DMD: variants seen among roughly 807,000 people sequenced by gnomAD.
DMD encodes the protein dystrophin, also known as mutant dystrophin.
DMD carries 63 observed loss-of-function variants against 330.1 expected under a neutral mutation model. The ratio of observed to expected loss-of-function variants is 0.19; its 90% CI spans 0.16 to 0.24. The LOEUF (loss-of-function observed/expected upper bound fraction) is 0.24, where lower values mean the gene tolerates loss of function less well. Ranked by LOEUF, DMD falls within the 10% of genes least tolerant of loss-of-function variation. The probability of loss-of-function intolerance (pLI) is 1.00; values close to 1 mark genes in which losing one functional copy is unlikely to be tolerated. For synonymous variants in DMD, 1,223 were observed against 959.8 expected, an observed-to-expected ratio of 1.27 and a Z score of -5.07; for missense variants, 3,344 against 2,684.1, an observed-to-expected ratio of 1.25 and a Z score of -5.43.
chrX:32,431,363 G>T (rs1408720273), intron 29 of DMD, among the ~76,000 whole-genome samples: 2 of 111,271 alleles, frequency 1.8e-5, no homozygotes, highest in Non-Finnish European at 3.8e-5. Context: ...CCATATGTAG[G>T]TCTTCATTGA....
chrX:32,090,764 T>G (rs181178068), intron 44 of DMD, among the ~76,000 whole-genome samples: 146 of 107,271 alleles, frequency 1.4e-3, no homozygotes, highest in African/African-American at 4.6e-3. Context: ...GAATTTTGGG[T>G]TTTTTTTTTC....
At position 32,652,141 on chromosome X, in the gene DMD, TC is replaced by T. The variant is rs748689162; in HGVS notation, c.961-6990del. The stretch of plus-strand genomic sequence containing the variant: ...AAGGTTCTAGAGCCAAAAACATTAA[TC>T]TTTTTTTTTATACTTTAAATACTAG... On this transcript the variant is annotated intron_variant, in intron 9 of 78. Coordinates refer to ENST00000357033, the MANE Select transcript of DMD (RefSeq NM_004006.3). 1.6e-4 allele frequency among the ~76,000 whole-genome samples: 18 copies of T among 111,424 alleles called. No individual in the cohort carries two copies. The South Asian group carries it at 6.8e-3, about 42-fold the overall frequency.
At chrX:32,191,619 C>A (rs895067322) in intron 44 of DMD, among the ~76,000 whole-genome samples, 1 of 111,236 alleles carries the variant, frequency 9.0e-6, no homozygotes, top group Non-Finnish European at 1.9e-5. Context: ...CCTCAGTATC[C>A]ATGGGGGATT....
chrX:32,468,411 G>A (rs2040276209), intron 23 of DMD, 87 bp downstream of exon 23: 7 of 834,959 alleles, frequency 8.4e-6, no homozygotes, highest in African/African-American at 2.0e-5. Flanking sequence ...AAGGTCAAAT[G>A]CTTATGTACC....
At chrX:32,610,926 T>G (rs2057119855) in intron 12 of DMD, among the ~76,000 whole-genome samples, 1 of 111,210 alleles carries the variant, frequency 9.0e-6, no homozygotes. Context: ...AAATAAGGCT[T>G]TAGTTTGAAC....
chrX:31,382,433 C>T (rs889914522), intron 60 of DMD, among the ~76,000 whole-genome samples: 10 of 111,614 alleles, frequency 9.0e-5, no homozygotes, highest in Non-Finnish European at 1.3e-4. Context: ...CTCTTGTTTA[C>T]ACTGCTGGTT....
intron 7 of DMD, among the ~76,000 whole-genome samples, chrX:32,799,719 G>A (rs1028975726): frequency 9.1e-6 from 1 of 109,680 alleles, no homozygotes; most frequent in African/African-American, 3.3e-5. Context: ...ATAACGGGAA[G>A]AGAATTGTCT....
chrX:31,721,504 G>A (rs980647202), intron 52 of DMD, among the ~76,000 whole-genome samples: 8 of 107,249 alleles, frequency 7.5e-5, no homozygotes, highest in Non-Finnish European at 1.5e-4. Context: ...CTCTTCCCTT[G>A]GTCTCCATCC....
At chrX:31,507,243 A>T (rs2071038954) in intron 56 of DMD, 38 bp downstream of exon 56, 26 of 1,160,353 alleles carry the variant, frequency 2.2e-5, no homozygotes, top group Non-Finnish European at 2.7e-5. Context: ...GGCCATTTTA[A>T]TTCATTTGTG....
chrX:31,929,510 G>T, intron 47 of DMD, 86 bp downstream of exon 47: 1 of 1,088,989 alleles, frequency 9.2e-7, no homozygotes, highest in South Asian at 1.8e-5. Flanking sequence ...CCTCCTCCCC[G>T]ACCAATGAAG....
At chrX:32,802,644 T>C (rs2076662183) in intron 7 of DMD, among the ~76,000 whole-genome samples, 1 of 111,709 alleles carries the variant, frequency 9.0e-6, no homozygotes, top group Non-Finnish European at 1.9e-5. Context: ...TGAGACACAT[T>C]CCATCAATAC....
intron 7 of DMD, among the ~76,000 whole-genome samples, chrX:32,781,057 G>T (rs954616819): frequency 2.8e-5 from 3 of 107,784 alleles, no homozygotes; most frequent in Non-Finnish European, 5.8e-5. Context: ...GGCGGAGCTT[G>T]CAGTGAGCCG....
At chrX:32,850,321 T>A (rs1380906209) in intron 2 of DMD, among the ~76,000 whole-genome samples, 1 of 112,137 alleles carries the variant, frequency 8.9e-6, no homozygotes, top group Non-Finnish European at 1.9e-5. Flanking sequence ...ACTGGATAAC[T>A]CAAATTTTAG....
At chrX:31,663,406 T>C (rs900367302) in intron 53 of DMD, among the ~76,000 whole-genome samples, 1 of 111,381 alleles carries the variant, frequency 9.0e-6, no homozygotes, top group African/African-American at 3.3e-5. Flanking sequence ...TTCATTCCTA[T>C]GGAGGAGCCA....
At chrX:32,094,577 C>T (rs989332273) in intron 44 of DMD, among the ~76,000 whole-genome samples, 1 of 110,880 alleles carries the variant, frequency 9.0e-6, no homozygotes, top group African/African-American at 3.4e-5. Flanking sequence ...CACATCTCTT[C>T]CTTCAACAGC....
intron 41 of DMD, among the ~76,000 whole-genome samples, chrX:32,332,818 G>A (rs1287601394): frequency 2.7e-5 from 3 of 110,000 alleles, no homozygotes; most frequent in Non-Finnish European, 5.7e-5. Flanking sequence ...GTAGAGATAG[G>A]CTAAAGAAAG....
At chrX:32,624,920 T>C (rs955471364) in intron 11 of DMD, among the ~76,000 whole-genome samples, 8 of 111,732 alleles carry the variant, frequency 7.2e-5, no homozygotes, top group African/African-American at 1.3e-4. Context: ...ACGCCTGTAA[T>C]CTCATCACTT....
At chrX:32,290,475 C>T (rs2097462432) in intron 42 of DMD, among the ~76,000 whole-genome samples, 1 of 112,075 alleles carries the variant, frequency 8.9e-6, no homozygotes, top group East Asian at 2.8e-4. Flanking sequence ...TAGATGGTCC[C>T]ATAAATTTAA....
chrX:31,724,992 CA>C lies in DMD; in HGVS notation c.7660+4638del, dbSNP rs766573485. Among the ~76,000 whole-genome samples, 19 of 111,940 alleles carry C rather than the reference CA, an allele frequency of 1.7e-4. No individual in the cohort carries two copies. The South Asian group carries it at 7.1e-3, about 42-fold the overall frequency. ...AAGTCAAAAGTATAAACAGGAGCAG[CA>C]AAAATGTATATCCAGACTATAATTA... On this transcript the variant is annotated intron_variant, in intron 52 of 78. Transcript: ENST00000357033.
Sources: allele counts gnomAD v4.1 joint callset (sites outside exome capture counted in the v4.1 genomes callset), GRCh38; gene constraint gnomAD v4.1.1; transcripts MANE v1.5; gene names NCBI Gene and HGNC (gene_info 2026-07-23, HGNC 2026-07-21).